The following CDK8 variants were observed in gnomAD, a reference collection of about 807,000 sequenced individuals.
CDK8 encodes cyclin-dependent kinase 8.
Under a neutral mutation model 71.5 loss-of-function variants are expected in CDK8, and 29 were observed. The observed-to-expected ratio is 0.41, with a 90% CI of 0.30 to 0.55. The LOEUF (loss-of-function observed/expected upper bound fraction) is 0.55, where lower values mean the gene tolerates loss of function less well. CDK8 is among the 20% of genes least tolerant of loss of function. The probability of loss-of-function intolerance (pLI) is 0.37; values close to 1 mark genes in which losing one functional copy is unlikely to be tolerated. For synonymous variants in CDK8, 161 were observed against 192.1 expected, an observed-to-expected ratio of 0.84 and a Z score of 1.34; for missense variants, 288 against 572.6, an observed-to-expected ratio of 0.50 and a Z score of 5.07.
At chr13:26,286,671 G>A (rs891006468) in intron 1 of CDK8, among the ~76,000 whole-genome samples, 1 of 152,014 alleles carries the variant, frequency 6.6e-6, no homozygotes, top group South Asian at 2.1e-4. Context: ...ATTATTAAAC[G>A]AAAAAGCTTC....
chr13:26,307,874 C>A (rs1156485454), intron 1 of CDK8, among the ~76,000 whole-genome samples: 1 of 152,156 alleles, frequency 6.6e-6, no homozygotes, highest in Non-Finnish European at 1.5e-5. Flanking sequence ...TAACTAACAG[C>A]ATTGTTTTTT....
intron 1 of CDK8, among the ~76,000 whole-genome samples, chr13:26,259,994 T>C (rs1871702352): frequency 6.6e-6 from 1 of 152,154 alleles, no homozygotes; most frequent in Non-Finnish European, 1.5e-5. Context: ...TTAAGGTTTT[T>C]AGGAAAAGCT....
chr13:26,356,583 A>G (rs1873908808), intron 4 of CDK8, among the ~76,000 whole-genome samples: 1 of 152,298 alleles, frequency 6.6e-6, no homozygotes, highest in African/African-American at 2.4e-5. Flanking sequence ...TCAATTTCTG[A>G]AGAAAAATCT....
intron 1 of CDK8, among the ~76,000 whole-genome samples, chr13:26,305,536 C>A (rs568915511): frequency 3.2e-4 from 48 of 151,764 alleles, no homozygotes; most frequent in Non-Finnish European, 5.6e-4. Flanking sequence ...TTGCTTATAC[C>A]CCCTTTCTCT....
intron 1 of CDK8, among the ~76,000 whole-genome samples, chr13:26,274,131 A>G (rs1490372105): frequency 6.6e-6 from 1 of 152,160 alleles, no homozygotes; most frequent in Non-Finnish European, 1.5e-5. Flanking sequence ...AGATTTTTAG[A>G]AGTGGGTTTG....
chr13:26,283,337 C>T (rs1057127003), intron 1 of CDK8, among the ~76,000 whole-genome samples: 19 of 152,224 alleles, frequency 1.2e-4, no homozygotes, highest in African/African-American at 3.9e-4. Context: ...TGGCTGGGCA[C>T]GGTGGCTCAT....
At chr13:26,383,704 C>T (rs1202963928) in intron 5 of CDK8, among the ~76,000 whole-genome samples, 1 of 152,192 alleles carries the variant, frequency 6.6e-6, no homozygotes, top group East Asian at 1.9e-4. Flanking sequence ...AACAAAGAAA[C>T]ACATGTGTGT....
intron 4 of CDK8, among the ~76,000 whole-genome samples, chr13:26,379,902 ATTAC>A (rs942317840): frequency 9.9e-5 from 15 of 152,170 alleles, no homozygotes; most frequent in African/African-American, 2.2e-4. Context: ...ATGTTTGTGT[ATTAC>A]TTCTGTCATT....
chr13:26,270,430 T>G (rs1277191931), intron 1 of CDK8, among the ~76,000 whole-genome samples: 1 of 151,876 alleles, frequency 6.6e-6, no homozygotes, highest in Non-Finnish European at 1.5e-5. Flanking sequence ...ATACACAGTT[T>G]AGTGCTTTTT....
chr13:26,383,415 C>G (rs1244934373), intron 5 of CDK8, among the ~76,000 whole-genome samples: 2 of 152,166 alleles, frequency 1.3e-5, no homozygotes, highest in Non-Finnish European at 2.9e-5. Context: ...TACATATTTT[C>G]TGATAGCTCT....
At chr13:26,256,151 T>G (rs1871513626) in intron 1 of CDK8, among the ~76,000 whole-genome samples, 1 of 152,172 alleles carries the variant, frequency 6.6e-6, no homozygotes, top group Non-Finnish European at 1.5e-5. Flanking sequence ...AACTTGATAT[T>G]CTGGGCGCCG....
At chr13:26,335,128 T>C (rs1872920403) in intron 1 of CDK8, among the ~76,000 whole-genome samples, 1 of 152,182 alleles carries the variant, frequency 6.6e-6, no homozygotes, top group Admixed American at 6.5e-5. Flanking sequence ...TAACCTCGTG[T>C]ATTACTCCAG....
intron 1 of CDK8, among the ~76,000 whole-genome samples, chr13:26,292,910 A>G (rs1432110165): frequency 6.6e-6 from 1 of 151,820 alleles, no homozygotes; most frequent in African/African-American, 2.4e-5. Flanking sequence ...TTAAATTTCC[A>G]TTTTTCTGAA....
At chr13:26,381,189 T>G (rs1316024431) in intron 4 of CDK8, among the ~76,000 whole-genome samples, 1 of 152,224 alleles carries the variant, frequency 6.6e-6, no homozygotes, top group Non-Finnish European at 1.5e-5. Context: ...AGTTTCTTCC[T>G]GAGCCCACAT....
intron 4 of CDK8, among the ~76,000 whole-genome samples, chr13:26,369,832 A>G (rs971611587): frequency 2.7e-5 from 4 of 149,660 alleles, no homozygotes; most frequent in Admixed American, 1.3e-4. Flanking sequence ...CTGGGATTAC[A>G]GGCATGAGCC....
rs1565972574 is a variant in CDK8, at chr13:26,323,336, AGAGG to A, written c.129-14227_129-14224del. On this transcript the variant is annotated intron_variant, in intron 1 of 12. Transcript: ENST00000381527. ...GAGAGAGAGAGAGAGAGGGAGAGAG[AGAGG>A]GAGAGGGAGAGGGAGAGGGAGAGGG... Among the ~76,000 whole-genome samples, 11 of 3,676 alleles carry A rather than the reference AGAGG, an allele frequency of 3.0e-3. No individual in the cohort carries two copies. The Admixed American group carries it at 0.051, about 17-fold the overall frequency. 2.4% of individuals were successfully genotyped at this position (3,676 alleles called of 152,430 possible). A position where few individuals can be genotyped will look rare whatever the true frequency, so the allele number is the denominator to read the frequency against.
chr13:26,339,589 A>G (rs1336470840), intron 2 of CDK8, among the ~76,000 whole-genome samples: 2 of 146,928 alleles, frequency 1.4e-5, no homozygotes, highest in Non-Finnish European at 3.0e-5. Context: ...TACATCAGCT[A>G]ATTAGTTTTT....
intron 4 of CDK8, among the ~76,000 whole-genome samples, chr13:26,366,565 TTTA>T (rs1874399540): frequency 6.6e-6 from 1 of 152,190 alleles, no homozygotes; most frequent in South Asian, 2.1e-4. Flanking sequence ...ATATCTATTT[TTTA>T]TTATTTAATT....
intron 1 of CDK8, among the ~76,000 whole-genome samples, chr13:26,279,521 A>G (rs1350200122): frequency 2.2e-4 from 34 of 152,108 alleles, no homozygotes; most frequent in Admixed American, 2.0e-3. Flanking sequence ...AAACCTAATC[A>G]TGATGGAATA....
Sources: gnomAD v4.1 joint callset for allele counts (sites outside exome capture counted in the v4.1 genomes callset) on GRCh38, gnomAD v4.1.1 for gene constraint, MANE v1.5 for transcripts, NCBI Gene and HGNC (gene_info 2026-07-23, HGNC 2026-07-21) for gene names.